Variants in TAFA2 observed in about 807,000 individuals in gnomAD.
TAFA2 encodes the protein chemokine-like protein TAFA-2.
Under a neutral mutation model 18.8 loss-of-function variants are expected in TAFA2, and 7 were observed. The observed-to-expected ratio is 0.37, with a 90% CI of 0.21 to 0.70. TAFA2 has a LOEUF of 0.70. TAFA2 is among the 30% of genes least tolerant of loss of function. The probability of loss-of-function intolerance (pLI) is 0.53; values close to 1 mark genes in which losing one functional copy is unlikely to be tolerated. For missense variants in TAFA2, 122 were observed against 158.1 expected (o/e 0.77, Z 1.23); for synonymous variants, 60 against 54.2 (o/e 1.11, Z -0.47).
intron 2 of TAFA2, among the ~76,000 whole-genome samples, chr12:61,825,129 T>C (rs12296389): frequency 6.6e-6 from 1 of 152,084 alleles, no homozygotes; most frequent in Non-Finnish European, 1.5e-5. Flanking sequence ...AGAGAACAAG[T>C]GATTTGGGCT....
intron 1 of TAFA2, chr12:62,242,698 T>C (rs748450790): frequency 2.0e-5 from 3 of 152,262 alleles, no homozygotes; most frequent in Non-Finnish European, 4.4e-5. Context: ...AATCTAGAGA[T>C]GGCAGTATGC....
chr12:62,183,000 A>G (rs1402189389), intron 1 of TAFA2, among the ~76,000 whole-genome samples: 2 of 152,204 alleles, frequency 1.3e-5, no homozygotes, highest in Non-Finnish European at 2.9e-5. Flanking sequence ...CCTTTTTTGT[A>G]TACTAAGATA....
chr12:62,093,431 T>C (rs1868805844), intron 1 of TAFA2, among the ~76,000 whole-genome samples: 1 of 152,178 alleles, frequency 6.6e-6, no homozygotes, highest in Middle Eastern at 3.4e-3. Flanking sequence ...AAATCTATTG[T>C]ATATTGGCAT....
At chr12:61,911,242 T>C (rs536481517) in intron 1 of TAFA2, among the ~76,000 whole-genome samples, 2 of 152,284 alleles carry the variant, frequency 1.3e-5, no homozygotes, top group Admixed American at 1.3e-4. Flanking sequence ...GGAGGATCCC[T>C]TCCCTGATTC....
chr12:62,173,102 C>T (rs1377260528), intron 1 of TAFA2, among the ~76,000 whole-genome samples: 2 of 151,554 alleles, frequency 1.3e-5, no homozygotes, highest in Non-Finnish European at 1.5e-5. Context: ...ATTACATACA[C>T]GGAAAAAAGA....
At chr12:62,078,715 T>A (rs183893069) in intron 1 of TAFA2, among the ~76,000 whole-genome samples, 263 of 152,328 alleles carry the variant, frequency 1.7e-3, no homozygotes, top group African/African-American at 5.8e-3. Flanking sequence ...AGGATCTCTT[T>A]CCCTTATGCT....
chr12:61,725,596 G>A (rs558690406), intron 4 of TAFA2, among the ~76,000 whole-genome samples: 1 of 152,070 alleles, frequency 6.6e-6, no homozygotes, highest in Admixed American at 6.6e-5. Context: ...TTAGCTATAA[G>A]TATTTTGCTT....
At chr12:61,829,584 T>A (rs1872641236) in intron 2 of TAFA2, among the ~76,000 whole-genome samples, 1 of 151,664 alleles carries the variant, frequency 6.6e-6, no homozygotes, top group Non-Finnish European at 1.5e-5. Context: ...AGAAAATGAT[T>A]TAAAACAGCC....
At chr12:62,066,407 T>G (rs1882489985) in intron 1 of TAFA2, among the ~76,000 whole-genome samples, 1 of 151,776 alleles carries the variant, frequency 6.6e-6, no homozygotes, top group Non-Finnish European at 1.5e-5. Context: ...TCTAACAATT[T>G]TTTGTACCCA....
At chr12:61,816,730 A>G (rs771098112) in intron 2 of TAFA2, among the ~76,000 whole-genome samples, 3 of 151,290 alleles carry the variant, frequency 2.0e-5, no homozygotes, top group Non-Finnish European at 2.9e-5. Context: ...AGTTTAGGGT[A>G]AAGAAGCATC....
intron 1 of TAFA2, among the ~76,000 whole-genome samples, chr12:61,947,309 G>C (rs1197681484): frequency 6.9e-6 from 1 of 144,126 alleles, no homozygotes; most frequent in African/African-American, 2.6e-5. Flanking sequence ...GACTGTGGTG[G>C]GGAGGTGGGA....
At chr12:61,877,134 C>A (rs1329011384) in intron 1 of TAFA2, among the ~76,000 whole-genome samples, 1 of 152,196 alleles carries the variant, frequency 6.6e-6, no homozygotes, top group Non-Finnish European at 1.5e-5. Flanking sequence ...AAAGCAGCAA[C>A]CACTCTGTGC....
chr12:61,802,785 G>C (rs575119522), intron 2 of TAFA2, among the ~76,000 whole-genome samples: 4 of 152,036 alleles, frequency 2.6e-5, no homozygotes, highest in South Asian at 2.1e-4. Flanking sequence ...TTGAGGCAAT[G>C]AATATAATAA....
intron 2 of TAFA2, among the ~76,000 whole-genome samples, chr12:61,766,505 C>T (rs1004224843): frequency 1.7e-4 from 26 of 152,056 alleles, no homozygotes; most frequent in African/African-American, 6.0e-4. Context: ...TGTTACTTAG[C>T]CCGTTAGGTA....
rs68158949 is a variant in TAFA2 at position 61,836,756 on chromosome 12, T to TATATATATATATAC, written c.106+30563_106+30564insGTATATATATATAT. 3.3e-4 allele frequency among the ~76,000 whole-genome samples: 40 copies of TATATATATATATAC among 119,842 alleles called. 1 individual carries two copies. Among genetic ancestry groups the TATATATATATATAC allele is most frequent in the African/African-American group, 8.3e-4 (30 of 36,052 alleles). The allele number at this position is 119,842 out of a possible 152,430, so 78.6% of individuals were successfully genotyped here. On this transcript the variant is annotated intron_variant, in intron 2 of 4. Coordinates refer to ENST00000416284, the MANE Select transcript of TAFA2 (RefSeq NM_178539.5). ...TGATATATATATATATATATATATA[T>TATATATATATATAC]ACACACACACACACAAATACATATA...
At chr12:61,807,489 G>A (rs1871669503) in intron 2 of TAFA2, among the ~76,000 whole-genome samples, 3 of 151,366 alleles carry the variant, frequency 2.0e-5, no homozygotes, top group Admixed American at 2.0e-4. Flanking sequence ...CATGAGGTCA[G>A]AACCCCCACA....
intron 1 of TAFA2, among the ~76,000 whole-genome samples, chr12:62,224,335 A>T (rs957929051): frequency 2.0e-5 from 3 of 152,122 alleles, no homozygotes; most frequent in African/African-American, 7.2e-5. Flanking sequence ...CAATAATAGA[A>T]ATTTATTTCT....
At chr12:61,972,888 G>T (rs1879298949) in intron 1 of TAFA2, among the ~76,000 whole-genome samples, 1 of 151,456 alleles carries the variant, frequency 6.6e-6, no homozygotes, top group Admixed American at 6.6e-5. Flanking sequence ...TTAGAAAGCA[G>T]GTCACTCATT....
intron 1 of TAFA2, among the ~76,000 whole-genome samples, chr12:62,165,491 T>C (rs2062432690): frequency 6.6e-6 from 1 of 152,088 alleles, no homozygotes; most frequent in East Asian, 1.9e-4. Context: ...TAGCCACAAA[T>C]TTCCAGTTTC....
Sources: allele counts gnomAD v4.1 joint callset (sites outside exome capture counted in the v4.1 genomes callset), GRCh38; gene constraint gnomAD v4.1.1; transcripts MANE v1.5; gene names NCBI Gene and HGNC (gene_info 2026-07-23, HGNC 2026-07-21).